TUBGCP5: variants seen among roughly 807,000 people sequenced by gnomAD.
TUBGCP5 encodes the protein gamma-tubulin complex component 5.
In TUBGCP5, 98 loss-of-function variants were observed where a neutral mutation model predicts 134.7. The ratio of observed to expected loss-of-function variants is 0.73; its 90% CI spans 0.62 to 0.86. The LOEUF (loss-of-function observed/expected upper bound fraction) is 0.86. Among genes scored for constraint, TUBGCP5 ranks in the 40% least tolerant of loss-of-function variants. The pLI is 0.00. For synonymous variants in TUBGCP5, 456 were observed against 431.4 expected (o/e 1.06, Z -0.71); for missense variants, 1,150 against 1,244.8 (o/e 0.92, Z 1.15).
At chr15:23,005,934 A>C (rs909071762) in intron 18 of TUBGCP5, 118 bp downstream of exon 18, 13 of 1,115,714 alleles carry the variant, frequency 1.2e-5, no homozygotes, top group South Asian at 3.5e-5. Context: ...AATGATCAAC[A>C]ACCACCAACT....
chr15:23,022,487 C>T (rs1277005307), intron 10 of TUBGCP5, among the ~76,000 whole-genome samples: 2 of 152,190 alleles, frequency 1.3e-5, no homozygotes, highest in African/African-American at 4.8e-5. Context: ...CTAGGTAAAA[C>T]AAAACACCTC....
In TUBGCP5 at chr15:23,017,716, G is replaced by A. The variant is rs974710051; in HGVS notation, c.1756+57C>T. The A allele has an allele frequency of 1.8e-5, 27 of 1,522,606 alleles. No homozygotes were observed. In the African/African-American group the frequency reaches 3.3e-4, roughly 19 times the overall value. 94.3% of individuals were successfully genotyped at this position (1,522,606 alleles called of 1,614,324 possible). ...ATAATTAGGTATCAGGATGACAAGA[G>A]CGAGTAGGGTCAGGTGTCCCAACAC... On this transcript the variant is annotated intron_variant, in intron 13 of 22. Coordinates refer to ENST00000615383, the MANE Select transcript of TUBGCP5 (RefSeq NM_052903.6).
chr15:23,009,944 C>G lies in TUBGCP5; in HGVS notation c.2144+1G>C. Reference sequence around the variant, plus strand: ...CTTCCAAAATTAAATTACTCTTTTACCTGTAATCTTTTTTTAGAGTTTGCA... The same window carrying G: ...CTTCCAAAATTAAATTACTCTTTTAGCTGTAATCTTTTTTTAGAGTTTGCA... On this transcript the variant is annotated splice_donor_variant, in intron 15 of 22. Coordinates refer to ENST00000615383, the MANE Select transcript of TUBGCP5 (RefSeq NM_052903.6). LOFTEE classifies it high-confidence loss of function. The G allele has an allele frequency of 6.2e-7, 1 of 1,610,986 alleles. No individual in the cohort carries two copies. Among genetic ancestry groups the G allele is most frequent in the Non-Finnish European group, 8.5e-7 (1 of 1,178,300 alleles).
At chr15:23,010,988 CAAAA>C in intron 14 of TUBGCP5, 141 bp downstream of exon 14, 2 of 639,272 alleles carry the variant, frequency 3.1e-6, no homozygotes, top group Non-Finnish European at 4.8e-6. Flanking sequence ...CTCAAACAAA[CAAAA>C]AAAAAAAAGG....
intron 6 of TUBGCP5, among the ~76,000 whole-genome samples, chr15:23,028,960 G>A (rs1056588405): frequency 6.6e-6 from 1 of 151,852 alleles, no homozygotes; most frequent in African/African-American, 2.4e-5. Flanking sequence ...CTGCATATAC[G>A]GACAACTTAC....
At chr15:23,006,395 T>A in intron 16 of TUBGCP5, 43 bp from the exon 17 acceptor site, 1 of 1,402,710 alleles carries the variant, frequency 7.1e-7, no homozygotes, top group Middle Eastern at 1.8e-4. Flanking sequence ...AAGCACTATG[T>A]CACACAAAAA....
At chr15:23,011,695 C>T (rs960328888) in intron 13 of TUBGCP5, among the ~76,000 whole-genome samples, 1 of 143,596 alleles carries the variant, frequency 7.0e-6, no homozygotes. Context: ...TTTTTTAGTA[C>T]AGACGGGGTT....
At chr15:22,993,632 C>A (rs1212334996) in intron 23 of TUBGCP5, among the ~76,000 whole-genome samples, 1 of 150,236 alleles carries the variant, frequency 6.7e-6, no homozygotes, top group Admixed American at 6.7e-5. Context: ...GCAACCTCCG[C>A]CTCCTGGGTT....
At chr15:23,003,632 GTTTTTTTTTTTTTT>G (rs531926227) in intron 20 of TUBGCP5, among the ~76,000 whole-genome samples, 3 of 88,668 alleles carry the variant, frequency 3.4e-5, no homozygotes, top group African/African-American at 7.9e-5. Flanking sequence ...TCCTCCTTCT[GTTTTTTTTTTTTTT>G]TTTTTTTTTT....
intron 7 of TUBGCP5, 30 bp from the exon 8 acceptor site, chr15:23,026,235 G>C: frequency 6.3e-7 from 1 of 1,584,536 alleles, no homozygotes; most frequent in South Asian, 1.1e-5. Flanking sequence ...AATGTCAATA[G>C]AAAGGTTTCT....
At chr15:23,030,820 A>C (rs1381636060) in intron 6 of TUBGCP5, 65 bp downstream of exon 6, 2 of 1,581,568 alleles carry the variant, frequency 1.3e-6, no homozygotes, top group Non-Finnish European at 1.7e-6. Flanking sequence ...CTGATCTCAA[A>C]GTTTGCCTTT....
In TUBGCP5 at chr15:23,024,319, GTAA is replaced by G. The variant is rs1364804123; in HGVS notation, c.922-129_922-127del. The G allele has an allele frequency of 5.1e-6, 5 of 980,724 alleles. No individual in the cohort carries two copies. In the Admixed American group the frequency reaches 8.5e-5, roughly 17 times the overall value. The allele number at this position is 980,724 out of a possible 1,614,324, so 60.8% of individuals were successfully genotyped here. ...AACAGTATGTTTAGTAGAAGACAAA[GTAA>G]TAATATGATTAATATTTATAATTTT... On this transcript the variant is annotated intron_variant, in intron 9 of 22. Transcript: ENST00000615383.
At chr15:23,015,346 A>C (rs1223696577) in intron 13 of TUBGCP5, among the ~76,000 whole-genome samples, 1 of 151,112 alleles carries the variant, frequency 6.6e-6, no homozygotes, top group African/African-American at 2.4e-5. Flanking sequence ...TTGGCCTCCG[A>C]AAGTGCTGGG....
chr15:23,010,931 A>G (rs1239037520), intron 14 of TUBGCP5, among the ~76,000 whole-genome samples: 1 of 151,892 alleles, frequency 6.6e-6, no homozygotes, highest in Non-Finnish European at 1.5e-5. Flanking sequence ...CAGTCAGCCA[A>G]GATCACACCA....
Position 23,039,557 on chromosome 15 carries a change from G to A in TUBGCP5, c.-14C>T, listed in dbSNP as rs1174194482. 1 of 1,402,246 alleles carries A rather than the reference G, an allele frequency of 7.1e-7. No homozygotes were observed. Among genetic ancestry groups the A allele is most frequent in the Non-Finnish European group, 9.4e-7 (1 of 1,062,676 alleles). 86.9% of individuals were successfully genotyped at this position (1,402,246 alleles called of 1,614,324 possible). A position where few individuals can be genotyped will look rare whatever the true frequency, so the allele number is the denominator to read the frequency against. On this transcript the variant is annotated 5_prime_UTR_variant, in exon 1 of 23. Transcript: ENST00000615383. ...GTGCCGCGCCATGTTCCGCGCTCCT[G>A]CAGCGCGCGTCTAACGAATTGGTGC... is the stretch of plus-strand genomic sequence containing the variant.
intron 23 of TUBGCP5, among the ~76,000 whole-genome samples, chr15:22,988,557 C>A (rs567339207): frequency 1.3e-5 from 2 of 151,236 alleles, no homozygotes; most frequent in Non-Finnish European, 2.9e-5. Flanking sequence ...CACAGTGAAA[C>A]CCCGTCTCTA....
chr15:22,993,375 G>A (rs964978990), intron 23 of TUBGCP5, among the ~76,000 whole-genome samples: 9 of 150,668 alleles, frequency 6.0e-5, no homozygotes, highest in African/African-American at 1.2e-4. Context: ...TGAGATTACA[G>A]GTGTGAGCCA....
At chr15:22,984,263 A>G (rs1038853366) in intron 23 of TUBGCP5, among the ~76,000 whole-genome samples, 32 of 152,264 alleles carry the variant, frequency 2.1e-4, no homozygotes, top group Non-Finnish European at 4.7e-4. Flanking sequence ...GTGAAAATTA[A>G]GTACACATTA....
At position 23,017,899 on chromosome 15, in the gene TUBGCP5, T is replaced by C. The variant is rs375678883; in HGVS notation, c.1630A>G (p.Arg544Gly). 208 of 1,614,088 alleles carry C rather than the reference T, an allele frequency of 1.3e-4. 1 individual carries two copies. Among genetic ancestry groups the C allele is most frequent in the Non-Finnish European group, 1.7e-4 (197 of 1,180,032 alleles). ...AGGAAGGACACCATGGTGTGCTGCCTGCTGGAGGGCCCCTGGTCACTGCCG... is the reference window on the plus strand; with the variant it reads ...AGGAAGGACACCATGGTGTGCTGCCCGCTGGAGGGCCCCTGGTCACTGCCG... ...SSGSDQGPSS[R>G]QHTMVSFLKP... is the part of the protein sequence containing the mutation. The change falls in exon 13 of 23, where the codon AGG becomes GGG. Residue 544 changes from arginine (R) to glycine (G), a missense_variant. This residue lies in a region of TUBGCP5 where 697 missense variants were observed against 850.1 expected (regional missense o/e 0.82). Coordinates refer to ENST00000615383, the MANE Select transcript of TUBGCP5 (RefSeq NM_052903.6).
Sources: gnomAD v4.1 joint callset for allele counts (sites outside exome capture counted in the v4.1 genomes callset) on GRCh38, gnomAD v4.1.1 for gene constraint, gnomAD v4.1.1 regional missense constraint, MANE v1.5 for transcripts, NCBI Gene and HGNC (gene_info 2026-07-23, HGNC 2026-07-21) for gene names.